The following IFFO1 variants were observed in gnomAD, a reference collection of about 807,000 sequenced individuals.
IFFO1 encodes the protein intermediate filament family orphan 1.
A neutral mutation model predicts 59.6 loss-of-function variants in IFFO1; 42 were observed. That is an observed-to-expected ratio of 0.70 (90% CI 0.55 to 0.91). The LOEUF is 0.91. Among genes scored for constraint, IFFO1 ranks in the 40% least tolerant of loss-of-function variants. IFFO1 has a pLI of 0.00. For missense variants in IFFO1, 711 were observed against 793.2 expected, an observed-to-expected ratio of 0.90 and a Z score of 1.24; for synonymous variants, 336 against 342.8, an observed-to-expected ratio of 0.98 and a Z score of 0.22.
chr12:6,548,569 C>T lies in IFFO1; in HGVS notation c.1263-24G>A, dbSNP rs369522038. On this transcript the variant is annotated intron_variant, in intron 6 of 9. Transcript: ENST00000619571. This position sits in a 1 kb window ranked among gnomAD's most constrained non-coding sequence, Gnocchi z 6.1. ...TCCTAGAGACAGGGAACCCGGGTGT[C>T]AGGGCGGGCGGGGCCTCGTCCTGGC... The T allele has an allele frequency of 1.2e-6, 2 of 1,613,292 alleles. No individual in the cohort carries two copies. The highest frequency in any genetic ancestry group is 1.3e-5 in the African/African-American group (1 of 74,926).
chr12:6,547,756 AAAGG>A (rs200755694), intron 8 of IFFO1, among the ~76,000 whole-genome samples: 1,514 of 149,924 alleles, frequency 0.01, 26 homozygotes, highest in African/African-American at 0.034. Context: ...AGAGAGAGAG[AAAGG>A]AAGGAAGGAA....
Position 6,548,653 on chromosome 12 carries a change from G to A in IFFO1, c.1262+15C>T, listed in dbSNP as rs370758366. Reference sequence around the variant, plus strand: ...TGTGGCGTCGGTGCTGCGGGAGCACGGCCTGCGGACTCACAGCTGGTTGAG... The same window carrying A: ...TGTGGCGTCGGTGCTGCGGGAGCACAGCCTGCGGACTCACAGCTGGTTGAG... On this transcript the variant is annotated intron_variant, in intron 6 of 9. Transcript: ENST00000619571. This position sits in a 1 kb window ranked among gnomAD's most constrained non-coding sequence, Gnocchi z 6.1. 21 of 1,613,926 alleles carry A rather than the reference G, an allele frequency of 1.3e-5. No individual in the cohort carries two copies. The highest frequency in any genetic ancestry group is 5.3e-5 in the African/African-American group (4 of 74,912).
chr12:6,548,127 C>A lies in IFFO1; in HGVS notation c.1417G>T (p.Asp473Tyr). 1.2e-6 allele frequency: 2 copies of A among 1,614,124 alleles called. No individual in the cohort carries two copies. The highest frequency in any genetic ancestry group is 1.7e-6 in the Non-Finnish European group (2 of 1,179,990). ...QEDSLEKVIK[D>Y]TESLFKTREK... ...CGGGTTTTGAACAGGGACTCCGTAT[C>A]TTTAATCACCTTCTCCAGGCTATCT... is the stretch of plus-strand genomic sequence containing the variant. The change falls in exon 8 of 10, where the codon GAT (aspartate) becomes TAT (tyrosine). Residue 473 changes from aspartate (D) to tyrosine (Y), a missense_variant. Asp to Tyr is a radical substitution (Grantham distance 160). Around this residue, in one of 3 missense-constraint regions of IFFO1, gnomAD observed 579 missense variants for 650.3 expected, o/e 0.89. Transcript: ENST00000619571. The surrounding 1 kb of genome is among the most constrained non-coding windows in gnomAD (Gnocchi z 6.1).
At position 6,541,096 on chromosome 12, in the gene IFFO1, G is replaced by A. The variant is rs189637664; in HGVS notation, c.1610+416C>T. 2.6e-5 allele frequency among the ~76,000 whole-genome samples: 4 copies of A among 151,546 alleles called. No individual in the cohort carries two copies. The highest frequency in any genetic ancestry group is 2.0e-4 in the Admixed American group (3 of 15,242). ...CTGAGCCTCCAGCACCCTGACTCTA[G>A]GGCCTTGGCTTTATGTCTATCTGCA... is the stretch of plus-strand genomic sequence containing the variant. On this transcript the variant is annotated intron_variant, in intron 9 of 9. Coordinates refer to ENST00000619571, the MANE Select transcript of IFFO1 (RefSeq NM_001193457.2). The surrounding 1 kb of genome is among the most constrained non-coding windows in gnomAD (Gnocchi z 4.8).
chr12:6,551,970 C>T (rs1358161222), intron 1 of IFFO1: 1 of 168,452 alleles, frequency 5.9e-6, no homozygotes, highest in Non-Finnish European at 1.3e-5. Flanking sequence ...CTGCTTAGGA[C>T]CCGCCCGGCA....
rs901629232 is a variant in IFFO1 at position 6,549,721 on chromosome 12, C to G, written c.1071+35G>C. 14 of 1,592,014 alleles carry G rather than the reference C, an allele frequency of 8.8e-6. No homozygotes were observed. The highest frequency in any genetic ancestry group is 1.3e-5 in the African/African-American group (1 of 74,600). On this transcript the variant is annotated intron_variant, in intron 4 of 9. Transcript: ENST00000619571. This position sits in a 1 kb window ranked among gnomAD's most constrained non-coding sequence, Gnocchi z 5.0. ...CCACGGAAGCATCCACCTGCCCCAC[C>G]CACCCCTGAGAGCAGAGGGCAGCTC...
Position 6,555,422 on chromosome 12 carries a change from C to T in IFFO1, c.608G>A (p.Arg203His). 1 of 1,613,908 alleles carries T rather than the reference C, an allele frequency of 6.2e-7. No homozygotes were observed. The highest frequency in any genetic ancestry group is 8.5e-7 in the Non-Finnish European group (1 of 1,179,902). The change falls in exon 1 of 10, where the codon CGC (arginine) becomes CAC (histidine). Residue 203 changes from arginine to histidine, a missense_variant. This residue lies in a region of IFFO1 where 579 missense variants were observed against 650.3 expected (regional missense o/e 0.89). Coordinates refer to ENST00000619571, the MANE Select transcript of IFFO1 (RefSeq NM_001193457.2). This position sits in a 1 kb window ranked among gnomAD's most constrained non-coding sequence, Gnocchi z 8.6. ...PGTIWSFSHA[R>H]RLGPGLEPTL... ...GGGCTCCAGTCCCGGCCCGAGCCGGCGGGCGTGCGAGAACGACCAGATGGT... is the reference window on the plus strand; with the variant it reads ...GGGCTCCAGTCCCGGCCCGAGCCGGTGGGCGTGCGAGAACGACCAGATGGT...
rs1282550397 is a variant in IFFO1 at position 6,539,697 on chromosome 12, G to A, written c.*786C>T. 6 of 152,220 alleles carry A rather than the reference G, an allele frequency of 3.9e-5. No individual in the cohort carries two copies. The highest frequency in any genetic ancestry group is 2.0e-4 in the Admixed American group (3 of 15,280). 9.4% of individuals were successfully genotyped at this position (152,220 alleles called of 1,614,324 possible). A position where few individuals can be genotyped will look rare whatever the true frequency, so the allele number is the denominator to read the frequency against. On this transcript the variant is annotated 3_prime_UTR_variant, in exon 10 of 10. Transcript: ENST00000619571. The stretch of plus-strand genomic sequence containing the variant: ...GTTGGTCTCAGTGTATGACAGACAC[G>A]GAGGAAGCACATCTTTAGCTGATAC...
intron 1 of IFFO1, chr12:6,551,557 C>T (rs1362826393): frequency 1.9e-6 from 2 of 1,047,402 alleles, no homozygotes; most frequent in Non-Finnish European, 2.6e-6. Context: ...GTAGGAGACA[C>T]TCAAAGTCCT....
In IFFO1 at chr12:6,541,001, A is replaced by T; in HGVS notation, c.1611-413T>A. Among the ~76,000 whole-genome samples, 1 of 129,826 alleles carries T rather than the reference A, an allele frequency of 7.7e-6. No individual in the cohort carries two copies. Among genetic ancestry groups the T allele is most frequent in the East Asian group, 2.3e-4 (1 of 4,352 alleles). 85.2% of individuals were successfully genotyped at this position (129,826 alleles called of 152,430 possible). A position where few individuals can be genotyped will look rare whatever the true frequency, so the allele number is the denominator to read the frequency against. ...GGCAAGATAATCACTTGAACCTGGG[A>T]GGCGGAGGTTGTAGTGAGCCAAAAA... On this transcript the variant is annotated intron_variant, in intron 9 of 9. Transcript: ENST00000619571. The surrounding 1 kb of genome is among the most constrained non-coding windows in gnomAD (Gnocchi z 4.8).
intron 1 of IFFO1, chr12:6,551,417 G>T: frequency 7.7e-7 from 1 of 1,300,580 alleles, no homozygotes; most frequent in Non-Finnish European, 1.0e-6. Context: ...CACAGATCCG[G>T]GCTCCCGCCT....
Position 6,541,745 on chromosome 12 carries a change from G to C in IFFO1, c.1480-103C>G. 3 of 1,417,150 alleles carry C rather than the reference G, an allele frequency of 2.1e-6. No individual in the cohort carries two copies. The highest frequency in any genetic ancestry group is 2.9e-6 in the Non-Finnish European group (3 of 1,026,490). 87.8% of individuals were successfully genotyped at this position (1,417,150 alleles called of 1,614,324 possible). On this transcript the variant is annotated intron_variant, in intron 8 of 9. Coordinates refer to ENST00000619571, the MANE Select transcript of IFFO1 (RefSeq NM_001193457.2). The surrounding 1 kb of genome is among the most constrained non-coding windows in gnomAD (Gnocchi z 4.8). Reference sequence around the variant, plus strand: ...ACACGCCAAGAGCAGTGGCTGGGCCGGGGGCCCAGGCAGCCATTACTGAAG... The same window carrying C: ...ACACGCCAAGAGCAGTGGCTGGGCCCGGGGCCCAGGCAGCCATTACTGAAG...
At chr12:6,552,002 C>T (rs1201050169) in intron 1 of IFFO1, 2 of 158,322 alleles carry the variant, frequency 1.3e-5, no homozygotes, top group Non-Finnish European at 2.8e-5. Flanking sequence ...TGCAGTCTAG[C>T]TGGCGTAGCA....
chr12:6,544,232 T>C (rs546624997), intron 8 of IFFO1, among the ~76,000 whole-genome samples: 1 of 149,930 alleles, frequency 6.7e-6, no homozygotes, highest in African/African-American at 2.4e-5. Context: ...AGTGGCACAA[T>C]CTCAGCTCAC....
At chr12:6,552,349 C>G (rs919481183) in intron 1 of IFFO1, among the ~76,000 whole-genome samples, 9 of 152,172 alleles carry the variant, frequency 5.9e-5, no homozygotes, top group Non-Finnish European at 1.0e-4. Context: ...AGCCACCACC[C>G]TGCTGGCTCC....
rs575046266 is a variant in IFFO1 at position 6,549,956 on chromosome 12, T to G, written c.931-60A>C. On this transcript the variant is annotated intron_variant, in intron 3 of 9. Transcript: ENST00000619571. The surrounding 1 kb of genome is among the most constrained non-coding windows in gnomAD (Gnocchi z 5.0). ...CCCAGTTCTCCAGACAAGGACGAAT[T>G]AGGCCTGGCAAGGTCCTCATCCTTC... 2.8e-5 allele frequency: 44 copies of G among 1,556,286 alleles called. No individual in the cohort carries two copies. In the African/African-American group the frequency reaches 5.3e-4, roughly 19 times the overall value.
In IFFO1 at chr12:6,541,491, A is replaced by G; in HGVS notation, c.1610+21T>C. Reference sequence around the variant, plus strand: ...CCGCTGTGTCCCCCTGGAAGGCCCCATGCCCAGGGGAGGCGCCTACCGGTC... The same window carrying G: ...CCGCTGTGTCCCCCTGGAAGGCCCCGTGCCCAGGGGAGGCGCCTACCGGTC... On this transcript the variant is annotated intron_variant, in intron 9 of 9. Coordinates refer to ENST00000619571, the MANE Select transcript of IFFO1 (RefSeq NM_001193457.2). The surrounding 1 kb of genome is among the most constrained non-coding windows in gnomAD (Gnocchi z 4.8). The G allele has an allele frequency of 6.2e-7, 1 of 1,612,252 alleles. No individual in the cohort carries two copies. The highest frequency in any genetic ancestry group is 8.5e-7 in the Non-Finnish European group (1 of 1,179,880).
downstream of IFFO1, chr12:6,539,487 C>G (rs564758792): frequency 6.6e-6 from 1 of 151,850 alleles, no homozygotes; most frequent in Admixed American, 6.6e-5. Context: ...AGAGTTCAAA[C>G]TAGTGAATAT....
At chr12:6,551,694 G>A (rs1592221931) in intron 1 of IFFO1, 2 of 371,810 alleles carry the variant, frequency 5.4e-6, no homozygotes, top group Non-Finnish European at 1.1e-5. Context: ...CGAGCCTGGG[G>A]TTACTAGCAC....
Sources: gnomAD v4.1 joint callset for allele counts (sites outside exome capture counted in the v4.1 genomes callset) on GRCh38, gnomAD v4.1.1 for gene constraint, gnomAD v4.1.1 regional missense constraint, Gnocchi (gnomAD v3.1) non-coding constraint, MANE v1.5 for transcripts, NCBI Gene and HGNC (gene_info 2026-07-23, HGNC 2026-07-21) for gene names.